Variants in AATF observed in about 807,000 individuals in gnomAD.
The protein encoded by AATF is protein AATF.
In AATF, 48 loss-of-function variants were observed where a neutral mutation model predicts 63.7. The ratio of observed to expected loss-of-function variants is 0.75; its 90% CI spans 0.60 to 0.96. The LOEUF is 0.96. Among genes scored for constraint, AATF ranks in the 40% least tolerant of loss-of-function variants. AATF has a pLI of 0.00. For missense variants in AATF, 639 were observed against 685.7 expected, an observed-to-expected ratio of 0.93 and a Z score of 0.76; for synonymous variants, 258 against 247.7, an observed-to-expected ratio of 1.04 and a Z score of -0.39.
chr17:36,962,452 T>C (rs1174866446), intron 4 of AATF, among the ~76,000 whole-genome samples: 1 of 152,166 alleles, frequency 6.6e-6, no homozygotes, highest in Non-Finnish European at 1.5e-5. Context: ...CACAGACCTG[T>C]GTGAGCTAAG....
Position 36,988,664 on chromosome 17 carries a change from C to A in AATF, c.1093C>A (p.Arg365Ser), listed in dbSNP as rs114442310. The A allele has an allele frequency of 1.2e-6, 2 of 1,613,938 alleles. No individual in the cohort carries two copies. Among genetic ancestry groups the A allele is most frequent in the East Asian group, 4.5e-5 (2 of 44,888 alleles). The change falls in exon 6 of 12, where the codon CGC (arginine) becomes AGC (serine). Residue 365 changes from arginine (R) to serine (S), a missense_variant. Transcript: ENST00000619387. The stretch of plus-strand genomic sequence containing the variant: ...TGCCGACTTTACAGTCTACAGGAAC[C>A]GCACACTTCAGAAATGGCACGATAA... ...RFADFTVYRN[R>S]TLQKWHDKTK...
intron 2 of AATF, 133 bp from the exon 3 acceptor site, chr17:36,952,753 T>C: frequency 6.9e-7 from 1 of 1,438,986 alleles, no homozygotes; most frequent in Non-Finnish European, 9.1e-7. Context: ...GTGTAATAAA[T>C]ATATTGTTGA....
intron 8 of AATF, chr17:36,999,296 T>G (rs1226755083): frequency 6.6e-6 from 1 of 152,242 alleles, no homozygotes; most frequent in Non-Finnish European, 1.5e-5. Context: ...CCTTCATTCA[T>G]TCAACAAATA....
intron 8 of AATF, among the ~76,000 whole-genome samples, chr17:37,009,368 C>G (rs2071366991): frequency 1.3e-5 from 2 of 149,434 alleles, no homozygotes; most frequent in African/African-American, 4.9e-5. Context: ...TGGTCTCAAA[C>G]TCCTGACCTC....
At chr17:36,999,290 C>T (rs1267424140) in intron 8 of AATF, 1 of 152,078 alleles carries the variant, frequency 6.6e-6, no homozygotes, top group Non-Finnish European at 1.5e-5. Context: ...TTTTTTCCTT[C>T]ATTCATTCAA....
chr17:37,055,668 G>T (rs1349708056), intron 11 of AATF: 1 of 152,252 alleles, frequency 6.6e-6, no homozygotes, highest in Admixed American at 6.5e-5. Context: ...CTCTGTGAGG[G>T]CTACCGGCTG....
intron 11 of AATF, among the ~76,000 whole-genome samples, chr17:37,032,455 C>T (rs1477217431): frequency 1.3e-5 from 2 of 152,196 alleles, no homozygotes; most frequent in Non-Finnish European, 2.9e-5. Flanking sequence ...GTTTAATGCT[C>T]ATCTTAGACT....
intron 4 of AATF, among the ~76,000 whole-genome samples, chr17:36,981,896 G>C (rs758743845): frequency 6.6e-6 from 1 of 151,932 alleles, no homozygotes; most frequent in African/African-American, 2.4e-5. Flanking sequence ...CCATTTTTAA[G>C]TGTACAGTTT....
intron 4 of AATF, among the ~76,000 whole-genome samples, chr17:36,983,855 G>A (rs2142241404): frequency 6.6e-6 from 1 of 152,310 alleles, no homozygotes; most frequent in African/African-American, 2.4e-5. Context: ...AGTTTGATAT[G>A]CAGATTATTT....
intron 4 of AATF, among the ~76,000 whole-genome samples, chr17:36,973,189 G>A (rs1242077224): frequency 3.3e-5 from 5 of 151,972 alleles, no homozygotes; most frequent in Non-Finnish European, 1.5e-5. Flanking sequence ...AACTCCTTAA[G>A]GATACATTGT....
chr17:37,011,734 G>A (rs2071392728), intron 8 of AATF, among the ~76,000 whole-genome samples: 1 of 152,152 alleles, frequency 6.6e-6, no homozygotes. Context: ...AGAAAGTCCA[G>A]TGTCAGTTGC....
At chr17:36,981,807 G>A (rs2071127840) in intron 4 of AATF, among the ~76,000 whole-genome samples, 1 of 150,576 alleles carries the variant, frequency 6.6e-6, no homozygotes. Flanking sequence ...AAAGTGTTGG[G>A]TTTACAGGCA....
At chr17:36,995,570 TTG>T (rs766084665) in intron 8 of AATF, among the ~76,000 whole-genome samples, 3 of 152,154 alleles carry the variant, frequency 2.0e-5, no homozygotes, top group Non-Finnish European at 2.9e-5. Context: ...TTTATTTTGT[TTG>T]TTTGTTTGTT....
chr17:36,968,632 C>CT (rs998171947), intron 4 of AATF, among the ~76,000 whole-genome samples: 1 of 149,476 alleles, frequency 6.7e-6, no homozygotes, highest in Admixed American at 6.6e-5. Flanking sequence ...TTTCTTTTTT[C>CT]TTTTTTCAAG....
intron 9 of AATF, among the ~76,000 whole-genome samples, chr17:37,020,072 C>G (rs559673519): frequency 3.3e-5 from 5 of 151,956 alleles, no homozygotes; most frequent in Non-Finnish European, 5.9e-5. Flanking sequence ...TGCTGTTTCT[C>G]CTTCTTTTTC....
chr17:37,055,759 C>T (rs1363965073), intron 11 of AATF: 3 of 152,290 alleles, frequency 2.0e-5, no homozygotes, highest in Non-Finnish European at 4.4e-5. Context: ...ACAGGGACGT[C>T]CTCACACGGG....
At chr17:36,949,283 C>T (rs1308222586) in intron 1 of AATF, 67 bp downstream of exon 1, 8 of 1,454,228 alleles carry the variant, frequency 5.5e-6, no homozygotes, top group African/African-American at 4.4e-5. Context: ...AAGGGGGCGG[C>T]GTGGGAGGGG....
At chr17:36,984,276 T>G (rs1372500711) in intron 4 of AATF, among the ~76,000 whole-genome samples, 1 of 152,156 alleles carries the variant, frequency 6.6e-6, no homozygotes, top group Non-Finnish European at 1.5e-5. Context: ...GGGCAATTAT[T>G]AGTGACAGTA....
chr17:36,971,547 C>T (rs1415005139), intron 4 of AATF, among the ~76,000 whole-genome samples: 6 of 152,148 alleles, frequency 3.9e-5, no homozygotes, highest in East Asian at 1.9e-4. Flanking sequence ...ATTCATCATA[C>T]GAGCCTGATC....
Sources: gnomAD v4.1 joint callset for allele counts (sites outside exome capture counted in the v4.1 genomes callset) on GRCh38, gnomAD v4.1.1 for gene constraint, MANE v1.5 for transcripts, NCBI Gene and HGNC (gene_info 2026-07-23, HGNC 2026-07-21) for gene names.